The following GOLGA4 variants were observed in gnomAD, a reference collection of about 807,000 sequenced individuals.
The protein encoded by GOLGA4 is golgin A4, also known as golgin subfamily A member 4.
In GOLGA4, 169 loss-of-function variants were observed where a neutral mutation model predicts 265.9. The ratio of observed to expected loss-of-function variants is 0.64; its 90% confidence interval spans 0.56 to 0.72. GOLGA4 has a LOEUF of 0.72. Ranked by LOEUF, GOLGA4 falls within the 30% of genes least tolerant of loss-of-function variation. The pLI is 0.00. For synonymous variants in GOLGA4, 923 were observed against 855.8 expected, an observed-to-expected ratio of 1.08 and a Z score of -1.37; for missense variants, 2,482 against 2,483.4, an observed-to-expected ratio of 1.00 and a Z score of 0.01.
intron 2 of GOLGA4, among the ~76,000 whole-genome samples, chr3:37,267,424 C>T (rs2096786738): frequency 6.6e-6 from 1 of 152,144 alleles, no homozygotes; most frequent in Non-Finnish European, 1.5e-5. Context: ...TCTTATTTTG[C>T]AGTTACCTGT....
At position 37,243,382 on chromosome 3, in the gene GOLGA4, C is replaced by T. The variant is rs1331258968; in HGVS notation, c.-169C>T. 4.8e-6 allele frequency: 3 copies of T among 626,334 alleles called. No individual in the cohort carries two copies. Among genetic ancestry groups the T allele is most frequent in the African/African-American group, 3.8e-5 (2 of 52,320 alleles). 38.8% of individuals were successfully genotyped at this position (626,334 alleles called of 1,614,324 possible). A position where few individuals can be genotyped will look rare whatever the true frequency, so the allele number is the denominator to read the frequency against. ...AGACGCGGCGGCGGCGACGCCGACACCCTCAGGACGAGTGTCCGGACTTGC... is the reference window on the plus strand; with the variant it reads ...AGACGCGGCGGCGGCGACGCCGACATCCTCAGGACGAGTGTCCGGACTTGC... On this transcript the variant is annotated 5_prime_UTR_variant, in exon 1 of 24. Transcript: ENST00000361924.
At chr3:37,334,991 G>A (rs969810850) in intron 16 of GOLGA4, 62 bp from the exon 17 acceptor site, 2 of 1,021,844 alleles carry the variant, frequency 2.0e-6, no homozygotes, top group African/African-American at 3.3e-5. Flanking sequence ...TTTTTGATGT[G>A]TTTGTTTACT....
At chr3:37,269,739 T>C (rs1199437079) in intron 2 of GOLGA4, among the ~76,000 whole-genome samples, 2 of 152,160 alleles carry the variant, frequency 1.3e-5, no homozygotes, top group Non-Finnish European at 2.9e-5. Flanking sequence ...ACAGGGCAAC[T>C]TAGGCCAGTA....
At chr3:37,330,989 C>T (rs2096988235) in intron 16 of GOLGA4, among the ~76,000 whole-genome samples, 1 of 150,326 alleles carries the variant, frequency 6.7e-6, no homozygotes, top group Admixed American at 6.6e-5. Context: ...CGAGATTGTG[C>T]CACTGCACTC....
chr3:37,340,620 C>G (rs1000832636), intron 20 of GOLGA4, among the ~76,000 whole-genome samples: 4 of 152,156 alleles, frequency 2.6e-5, no homozygotes, highest in East Asian at 1.9e-4. Flanking sequence ...TCTCCCACCC[C>G]CCACAGTCCC....
At chr3:37,312,162 A>T (rs929245330) in intron 10 of GOLGA4, among the ~76,000 whole-genome samples, 2 of 152,228 alleles carry the variant, frequency 1.3e-5, no homozygotes, top group Non-Finnish European at 2.9e-5. Flanking sequence ...GCAATTTTAT[A>T]TGCTGGATAA....
At chr3:37,364,816 T>A (rs1696623739) in intron 23 of GOLGA4, among the ~76,000 whole-genome samples, 1 of 151,864 alleles carries the variant, frequency 6.6e-6, no homozygotes, top group African/African-American at 2.4e-5. Flanking sequence ...GGTCTTGAAC[T>A]CCTGGGCTCA....
At chr3:37,348,255 AT>A (rs1466149171) in intron 21 of GOLGA4, among the ~76,000 whole-genome samples, 2 of 152,182 alleles carry the variant, frequency 1.3e-5, no homozygotes, top group African/African-American at 4.8e-5. Context: ...TAGATTGGAG[AT>A]TCAGCTAAAT....
Position 37,251,467 on chromosome 3 carries a change from G to A in GOLGA4, c.145G>A (p.Gly49Ser). The part of the protein sequence containing the change: ...TSSFTEQLDE[G>S]TPNRESGDTQ... ...TTCATTTACAGAGCAACTTGATGAA[G>A]GTACACCCAATAGAGAGGTAAGTTT... The change falls in exon 2 of 24, where the codon GGT becomes AGT. Residue 49 changes from glycine to serine, a missense_variant. Gly to Ser is a moderately conservative substitution (Grantham distance 56). This residue lies in a region of GOLGA4 where 1,536 missense variants were observed against 1,483.7 expected (regional missense o/e 1.04). Transcript: ENST00000361924. 1 of 1,604,626 alleles carries A rather than the reference G, an allele frequency of 6.2e-7. No individual in the cohort carries two copies. Among genetic ancestry groups the A allele is most frequent in the African/African-American group, 1.3e-5 (1 of 74,816 alleles).
intron 2 of GOLGA4, 34 bp downstream of exon 2, chr3:37,251,518 CAAAAG>C: frequency 4.0e-6 from 5 of 1,245,972 alleles, no homozygotes; most frequent in Non-Finnish European, 5.9e-6. Context: ...GTATACCTCT[CAAAAG>C]AAACTAATCT....
At chr3:37,268,873 TC>T (rs2096790676) in intron 2 of GOLGA4, among the ~76,000 whole-genome samples, 1 of 152,226 alleles carries the variant, frequency 6.6e-6, no homozygotes, top group African/African-American at 2.4e-5. Context: ...CCCAGCCTAG[TC>T]AGAAACTTAT....
At chr3:37,260,157 T>TAAAAAAAA (rs11359349) in intron 2 of GOLGA4, among the ~76,000 whole-genome samples, 1 of 124,080 alleles carries the variant, frequency 8.1e-6, no homozygotes, top group Non-Finnish European at 1.7e-5. Context: ...GTTGATGAGC[T>TAAAAAAAA]AAAAAAAAAA....
Position 37,321,896 on chromosome 3 carries a change from A to C in GOLGA4, c.1701+10A>C, listed in dbSNP as rs745509555. On this transcript the variant is annotated intron_variant, in intron 13 of 23. Transcript: ENST00000361924. ...AGAGACTTACAGAACTGTAAGTTTT[A>C]ATAATATTCAGATTCTGGAGTTGTG... 23 of 1,580,922 alleles carry C rather than the reference A, an allele frequency of 1.5e-5. No individual in the cohort carries two copies. Among genetic ancestry groups the C allele is most frequent in the South Asian group, 9.3e-5 (8 of 85,582 alleles).
chr3:37,308,323 A>G (rs1222296792), intron 10 of GOLGA4, among the ~76,000 whole-genome samples: 1 of 151,696 alleles, frequency 6.6e-6, no homozygotes, highest in Non-Finnish European at 1.5e-5. Flanking sequence ...TATAGAATGA[A>G]TCTTGTTATA....
chr3:37,358,846 A>G (rs1017030683), intron 22 of GOLGA4, among the ~76,000 whole-genome samples: 1 of 152,182 alleles, frequency 6.6e-6, no homozygotes, highest in African/African-American at 2.4e-5. Context: ...TGCCAGCGAC[A>G]TGCGACATTG....
At chr3:37,250,948 A>G (rs1046440305) in intron 1 of GOLGA4, among the ~76,000 whole-genome samples, 1 of 152,144 alleles carries the variant, frequency 6.6e-6, no homozygotes. Flanking sequence ...TTAGAGCTAG[A>G]AGGTAGAAGG....
At position 37,282,220 on chromosome 3, in the gene GOLGA4, G is replaced by A. The variant is rs144341991; in HGVS notation, c.425G>A (p.Arg142Gln). Residue 142 changes from arginine (R) to glutamine (Q), a missense_variant, in exon 3 of 24, where the codon CGG (arginine) becomes CAG (glutamine). Physicochemically the swap from Arg to Gln is conservative, Grantham distance 43 (BLOSUM62 1). Transcript: ENST00000361924. ...DSLNKEQLIQ[R>Q]LRRMERSLSS... ...CTCAACAAAGAACAGTTGATTCAGC[G>A]GTTGCGAAGAATGGAACGAAGCTTA... is the stretch of plus-strand genomic sequence containing the variant. 4.0e-4 allele frequency: 650 copies of A among 1,614,162 alleles called. 3 individuals are homozygous for A. In the East Asian group the frequency reaches 8.6e-3, roughly 21 times the overall value.
intron 10 of GOLGA4, among the ~76,000 whole-genome samples, chr3:37,312,636 C>T (rs2096926192): frequency 6.6e-6 from 1 of 151,722 alleles, no homozygotes; most frequent in Non-Finnish European, 1.5e-5. Context: ...GATCCTCCCA[C>T]CTCAGCTGCT....
chr3:37,340,953 G>A (rs1257038390), intron 20 of GOLGA4, among the ~76,000 whole-genome samples: 5 of 152,018 alleles, frequency 3.3e-5, no homozygotes, highest in Non-Finnish European at 7.4e-5. Context: ...GGATCATGAG[G>A]TCAGGAGATC....
Sources: allele counts gnomAD v4.1 joint callset (sites outside exome capture counted in the v4.1 genomes callset), GRCh38; gene constraint gnomAD v4.1.1; regional missense constraint gnomAD v4.1.1; transcripts MANE v1.5; gene names NCBI Gene and HGNC (gene_info 2026-07-23, HGNC 2026-07-21).